The following LBX2 variants were observed in gnomAD, a reference collection of about 807,000 sequenced individuals.
The protein encoded by LBX2 is ladybird homeobox 2.
Under a neutral mutation model 7.5 loss-of-function variants are expected in LBX2, and 6 were observed. That is an observed-to-expected ratio of 0.80 (90% confidence interval 0.44 to 1.59). The LOEUF is 1.59. LBX2 is among the 40% of genes most tolerant of loss of function. LBX2 has a pLI of 0.01. For missense variants in LBX2, 281 were observed against 282.0 expected (o/e 1.00, Z 0.03); for synonymous variants, 143 against 133.2 (o/e 1.07, Z -0.51).
chr2:74,499,305 A>G lies in LBX2; in HGVS notation c.205+28T>C, dbSNP rs774481409. The stretch of plus-strand genomic sequence containing the variant: ...AGAGAGGTGAGGAAAAGGCTAAGTC[A>G]GAGTCCGCGACCTTGCCGGCTCTAT... On this transcript the variant is annotated intron_variant, in intron 1 of 1. Coordinates refer to ENST00000377566, the MANE Select transcript of LBX2 (RefSeq NM_001282430.2). The surrounding 1 kb of genome is among the most constrained non-coding windows in gnomAD (Gnocchi z 4.6). 37 of 1,538,736 alleles carry G rather than the reference A, an allele frequency of 2.4e-5. No homozygotes were observed. Among genetic ancestry groups the G allele is most frequent in the South Asian group, 8.4e-5 (7 of 83,826 alleles).
At chr2:74,502,797 T>G, upstream of LBX2, 1 of 1,613,882 alleles carries the variant, frequency 6.2e-7, no homozygotes, top group Non-Finnish European at 8.5e-7. This position sits in a 1 kb window ranked among gnomAD's most constrained non-coding sequence, Gnocchi z 5.4. Context: ...TCCGACGCCC[T>G]CCTCGACACT....
Position 74,499,239 on chromosome 2 carries a change from G to A in LBX2, c.205+94C>T, listed in dbSNP as rs1674432355. 1.7e-6 allele frequency: 2 copies of A among 1,154,726 alleles called. No homozygotes were observed. Among genetic ancestry groups the A allele is most frequent in the Non-Finnish European group, 2.5e-6 (2 of 797,714 alleles). The allele number at this position is 1,154,726 out of a possible 1,614,324, so 71.5% of individuals were successfully genotyped here. Reference sequence around the variant, plus strand: ...GGACAGGGGAGGATTAGGGTGGGTGGCCTGGGCTGGGACAAAGGTTTGAGA... The same window carrying A: ...GGACAGGGGAGGATTAGGGTGGGTGACCTGGGCTGGGACAAAGGTTTGAGA... On this transcript the variant is annotated intron_variant, in intron 1 of 1. Transcript: ENST00000377566. The surrounding 1 kb of genome is among the most constrained non-coding windows in gnomAD (Gnocchi z 4.6).
At chr2:74,502,623 C>G (rs1016135242), upstream of LBX2, 2 of 1,573,904 alleles carry the variant, frequency 1.3e-6, no homozygotes, top group East Asian at 2.3e-5. The surrounding 1 kb of genome is among the most constrained non-coding windows in gnomAD (Gnocchi z 5.4). Context: ...TTTCAGAAAG[C>G]GCTACTGCGG....
In LBX2 at chr2:74,497,734, G is replaced by A; in HGVS notation, c.*193C>T. 1.6e-6 allele frequency: 1 copy of A among 612,342 alleles called. No homozygotes were observed. The highest frequency in any genetic ancestry group is 2.7e-6 in the Non-Finnish European group (1 of 373,576). The allele number at this position is 612,342 out of a possible 1,614,324, so 37.9% of individuals were successfully genotyped here. ...GATCGCTCCACGGCACTCCAGCCTG[G>A]GCGACAGAGCGAGGCCCTGTCTCAG... is the stretch of plus-strand genomic sequence containing the variant. On this transcript the variant is annotated 3_prime_UTR_variant, in exon 2 of 2. Coordinates refer to ENST00000377566, the MANE Select transcript of LBX2 (RefSeq NM_001282430.2).
At chr2:74,502,298 C>T, upstream of LBX2, 1 of 258,482 alleles carries the variant, frequency 3.9e-6, no homozygotes. The surrounding 1 kb of genome is among the most constrained non-coding windows in gnomAD (Gnocchi z 5.4). Context: ...CCCCGGGCCG[C>T]CCCCGCTCGA....
chr2:74,498,420 T>C, intron 1 of LBX2, 102 bp from the exon 2 acceptor site: 2 of 888,132 alleles, frequency 2.3e-6, no homozygotes, highest in Non-Finnish European at 3.3e-6. Context: ...GTGGGGGAAG[T>C]AGAGGGAGAG....
upstream of LBX2, chr2:74,503,057 G>A: frequency 7.4e-6 from 4 of 543,284 alleles, no homozygotes; most frequent in African/African-American, 1.9e-5. The surrounding 1 kb of genome is among the most constrained non-coding windows in gnomAD (Gnocchi z 5.1). Context: ...GGCCGAGTGC[G>A]TCCGGGGGTG....
At chr2:74,498,411 T>G (rs1572972575) in intron 1 of LBX2, 93 bp from the exon 2 acceptor site, 3 of 987,514 alleles carry the variant, frequency 3.0e-6, no homozygotes, top group African/African-American at 1.7e-5. Flanking sequence ...CCGGTGGCGG[T>G]GGGGGAAGTA....
upstream of LBX2, chr2:74,502,430 A>G: frequency 1.8e-6 from 1 of 555,144 alleles, no homozygotes; most frequent in Non-Finnish European, 3.2e-6. This position sits in a 1 kb window ranked among gnomAD's most constrained non-coding sequence, Gnocchi z 5.4. Flanking sequence ...CCCTCGGAAT[A>G]ACCCCCTTGG....
rs900689821 is a variant in LBX2 at position 74,499,077 on chromosome 2, G to C, written c.205+256C>G. On this transcript the variant is annotated intron_variant, in intron 1 of 1. Coordinates refer to ENST00000377566, the MANE Select transcript of LBX2 (RefSeq NM_001282430.2). The surrounding 1 kb of genome is among the most constrained non-coding windows in gnomAD (Gnocchi z 4.6). ...GCGATTGCCCCGCCTACAAGGAACA[G>C]AGCAACAGGTCGCTCAGTTGGCGAC... The C allele has an allele frequency of 1.7e-6, 1 of 579,388 alleles. No individual in the cohort carries two copies. The highest frequency in any genetic ancestry group is 3.1e-6 in the Non-Finnish European group (1 of 324,936). The allele number at this position is 579,388 out of a possible 1,614,324, so 35.9% of individuals were successfully genotyped here. A position where few individuals can be genotyped will look rare whatever the true frequency, so the allele number is the denominator to read the frequency against.
upstream of LBX2, chr2:74,502,802 G>C (rs925540025): frequency 1.2e-6 from 2 of 1,613,722 alleles, no homozygotes; most frequent in Non-Finnish European, 1.7e-6. The surrounding 1 kb of genome is among the most constrained non-coding windows in gnomAD (Gnocchi z 5.4). Context: ...CGCCCTCCTC[G>C]ACACTTTTCT....
Position 74,498,246 on chromosome 2 carries a change from G to A in LBX2, c.278C>T (p.Thr93Ile). Residue 93 changes from threonine to isoleucine, a missense_variant, in exon 2 of 2, where the codon ACC becomes ATC. Thr to Ile is a moderately conservative substitution (Grantham distance 89). This residue lies in a region of LBX2 where 216 missense variants were observed against 208.7 expected (regional missense o/e 1.03). Coordinates refer to ENST00000377566, the MANE Select transcript of LBX2 (RefSeq NM_001282430.2). ...CTCCAGCTCCAGCACCTGTTGCGCG[G>A]TGAACGCAGTGCGTGACTTGCGCCG... ...RKRRKSRTAFTAQQVLELERR... is the reference protein window; with the variant it reads ...RKRRKSRTAFIAQQVLELERR... 5 of 1,602,658 alleles carry A rather than the reference G, an allele frequency of 3.1e-6. No individual in the cohort carries two copies. The highest frequency in any genetic ancestry group is 4.2e-6 in the Non-Finnish European group (5 of 1,177,690).
chr2:74,498,076 C>G lies in LBX2; in HGVS notation c.448G>C (p.Asp150His), dbSNP rs1674396683. The change falls in exon 2 of 2, where the codon GAC (aspartate) becomes CAC (histidine). Residue 150 changes from aspartate to histidine, a missense_variant. Asp to His is a moderately conservative substitution (Grantham distance 81). This residue lies in a region of LBX2 where 6 missense variants were observed against 20.4 expected (regional missense o/e 0.29). Transcript: ENST00000377566. ...GACAACGCGCGTAGCGAGGCGACGT[C>G]GGCGCGCATCTCCTCCACATCGCGC... ...LKRDVEEMRA[D>H]VASLRALSPE... 6.2e-7 allele frequency: 1 copy of G among 1,613,310 alleles called. No homozygotes were observed. Among genetic ancestry groups the G allele is most frequent in the African/African-American group, 1.3e-5 (1 of 74,952 alleles).
chr2:74,497,823 G>T lies in LBX2; in HGVS notation c.*104C>A. ...GCGTCTGGACTGTGGGCCGGAAGAG[G>T]CCCAAGTGGACCTCCTTCCTCCACC... On this transcript the variant is annotated 3_prime_UTR_variant, in exon 2 of 2. Transcript: ENST00000377566. 1 of 1,260,866 alleles carries T rather than the reference G, an allele frequency of 7.9e-7. No homozygotes were observed. The highest frequency in any genetic ancestry group is 1.1e-6 in the Non-Finnish European group (1 of 932,324). 78.1% of individuals were successfully genotyped at this position (1,260,866 alleles called of 1,614,324 possible). A position where few individuals can be genotyped will look rare whatever the true frequency, so the allele number is the denominator to read the frequency against.
upstream of LBX2, chr2:74,499,610 C>T (rs1674442554): frequency 6.9e-7 from 1 of 1,454,358 alleles, no homozygotes; most frequent in Non-Finnish European, 9.2e-7. The surrounding 1 kb of genome is among the most constrained non-coding windows in gnomAD (Gnocchi z 4.6). Flanking sequence ...CAGTGCTCGG[C>T]TCCCAATCCG....
At chr2:74,498,480 G>A (rs766495834) in intron 1 of LBX2, among the ~76,000 whole-genome samples, 162 bp from the exon 2 acceptor site, 6 of 152,240 alleles carry the variant, frequency 3.9e-5, no homozygotes, top group African/African-American at 1.2e-4. Context: ...CGGGAGTCAG[G>A]CCCAGGTGGG....
At chr2:74,502,105 G>C (rs141940021), upstream of LBX2, 1 of 152,052 alleles carries the variant, frequency 6.6e-6, no homozygotes, top group Non-Finnish European at 1.5e-5. The surrounding 1 kb of genome is among the most constrained non-coding windows in gnomAD (Gnocchi z 5.4). Context: ...CAGACATTTC[G>C]GGGCCCTGCG....
chr2:74,497,634 T>C lies in LBX2; in HGVS notation c.*293A>G. ...TTAGCCTGGGGTGGTGCTGCACGCC[T>C]GTAATGCCAGCTAGTCGGGAGGTTG... On this transcript the variant is annotated 3_prime_UTR_variant, in exon 2 of 2. Transcript: ENST00000377566. 8.5e-6 allele frequency: 3 copies of C among 352,478 alleles called. No homozygotes were observed. The highest frequency in any genetic ancestry group is 1.5e-5 in the Non-Finnish European group (3 of 196,230). 21.8% of individuals were successfully genotyped at this position (352,478 alleles called of 1,614,324 possible). A position where few individuals can be genotyped will look rare whatever the true frequency, so the allele number is the denominator to read the frequency against.
chr2:74,497,882 A>C lies in LBX2; in HGVS notation c.*45T>G, dbSNP rs751269475. On this transcript the variant is annotated 3_prime_UTR_variant, in exon 2 of 2. Transcript: ENST00000377566. ...CTGGCCAGAGGCAGAGCGCGAGGTG[A>C]GGAGTCCAGGGCCCCAGAGCCCAGG... is the stretch of plus-strand genomic sequence containing the variant. The C allele has an allele frequency of 6.7e-7, 1 of 1,488,498 alleles. No homozygotes were observed. Among genetic ancestry groups the C allele is most frequent in the African/African-American group, 1.4e-5 (1 of 71,052 alleles). The allele number at this position is 1,488,498 out of a possible 1,614,324, so 92.2% of individuals were successfully genotyped here. A position where few individuals can be genotyped will look rare whatever the true frequency, so the allele number is the denominator to read the frequency against.
Sources: allele counts gnomAD v4.1 joint callset (sites outside exome capture counted in the v4.1 genomes callset), GRCh38; gene constraint gnomAD v4.1.1; regional missense constraint gnomAD v4.1.1; non-coding constraint Gnocchi (gnomAD v3.1); transcripts MANE v1.5; gene names NCBI Gene and HGNC (gene_info 2026-07-23, HGNC 2026-07-21).